The following EPB41L3 variants were observed in gnomAD, a reference collection of about 807,000 sequenced individuals.
EPB41L3 encodes the protein erythrocyte membrane protein band 4.1 like 3.
A neutral mutation model predicts 127.1 loss-of-function variants in EPB41L3; 57 were observed. That is an observed-to-expected ratio of 0.45 (90% CI 0.36 to 0.56). The LOEUF is 0.56. Among genes scored for constraint, EPB41L3 ranks in the 20% least tolerant of loss-of-function variants. The pLI is 0.00. For missense variants in EPB41L3, 1,273 were observed against 1,372.2 expected (o/e 0.93, Z 1.14); for synonymous variants, 572 against 549.5 (o/e 1.04, Z -0.57).
intron 3 of EPB41L3, among the ~76,000 whole-genome samples, chr18:5,470,911 C>T (rs2086017736): frequency 6.6e-6 from 1 of 152,144 alleles, no homozygotes; most frequent in Admixed American, 6.5e-5. Context: ...CTGAAGTCTA[C>T]CATGCTGGAA....
At chr18:5,489,228 C>G (rs2090300720) in intron 1 of EPB41L3, 34 bp from the exon 2 acceptor site, 1 of 1,568,398 alleles carries the variant, frequency 6.4e-7, no homozygotes, top group Non-Finnish European at 8.6e-7. Context: ...GCAGGTCACT[C>G]CGTGCCACTA....
intron 1 of EPB41L3, among the ~76,000 whole-genome samples, chr18:5,621,684 T>A (rs2094864610): frequency 6.6e-6 from 1 of 152,196 alleles, no homozygotes; most frequent in Non-Finnish European, 1.5e-5. Context: ...AAGGCTGCAG[T>A]GAGCTGTGAT....
At chr18:5,394,457 C>A (rs2072989188) in intron 22 of EPB41L3, 1 of 495,266 alleles carries the variant, frequency 2.0e-6, no homozygotes, top group East Asian at 3.2e-5. Flanking sequence ...TCTGCTCTTC[C>A]TTTATCCTCT....
At chr18:5,583,273 A>G (rs1197338845) in intron 3 of EPB41L3, among the ~76,000 whole-genome samples, 1 of 152,192 alleles carries the variant, frequency 6.6e-6, no homozygotes, top group Non-Finnish European at 1.5e-5. Flanking sequence ...CTCGTGAAAT[A>G]GGCATTCTGC....
At chr18:5,422,762 A>C (rs1336611660) in intron 11 of EPB41L3, among the ~76,000 whole-genome samples, 1 of 152,196 alleles carries the variant, frequency 6.6e-6, no homozygotes, top group Non-Finnish European at 1.5e-5. Flanking sequence ...AGGTAGTTTG[A>C]ATGATCATCT....
At position 5,456,759 on chromosome 18, in the gene EPB41L3, G is replaced by A. The variant is rs139176753; in HGVS notation, c.382-11515C>T. Reference sequence around the variant, plus strand: ...TCAGGGCATCCTGGCTTAATACTGCGTGAACCCACAATCCCAGAAAGCCAG... The same window carrying A: ...TCAGGGCATCCTGGCTTAATACTGCATGAACCCACAATCCCAGAAAGCCAG... On this transcript the variant is annotated intron_variant, in intron 3 of 22. Transcript: ENST00000341928. Among the ~76,000 whole-genome samples, 506 of 152,320 alleles carry A rather than the reference G, an allele frequency of 3.3e-3. 9 individuals carry two copies. Among genetic ancestry groups the A allele is most frequent in the Non-Finnish European group, 7.8e-4 (53 of 68,040 alleles).
At chr18:5,503,673 T>C (rs937478408) in intron 1 of EPB41L3, among the ~76,000 whole-genome samples, 2 of 152,222 alleles carry the variant, frequency 1.3e-5, no homozygotes, top group Admixed American at 6.5e-5. Flanking sequence ...AAATGACAAG[T>C]AGAAAACAAA....
intron 3 of EPB41L3, among the ~76,000 whole-genome samples, chr18:5,580,917 G>A (rs748925390): frequency 1.4e-4 from 21 of 152,190 alleles, no homozygotes; most frequent in Non-Finnish European, 2.2e-4. Context: ...ATTTGTGTTT[G>A]CAGCATAGCC....
At chr18:5,434,810 G>C (rs991062132) in intron 6 of EPB41L3, among the ~76,000 whole-genome samples, 1 of 152,144 alleles carries the variant, frequency 6.6e-6, no homozygotes, top group Non-Finnish European at 1.5e-5. Flanking sequence ...CATTATTTTA[G>C]AGTGTACTCC....
chr18:5,507,861 C>G (rs1279881748), intron 1 of EPB41L3, among the ~76,000 whole-genome samples: 1 of 152,200 alleles, frequency 6.6e-6, no homozygotes, highest in Non-Finnish European at 1.5e-5. Flanking sequence ...CTAATAAAAT[C>G]ATAATGAATA....
chr18:5,476,029 C>T (rs574821038), intron 3 of EPB41L3, among the ~76,000 whole-genome samples: 16 of 152,200 alleles, frequency 1.1e-4, no homozygotes, highest in Admixed American at 3.3e-4. Flanking sequence ...TATATCAAAA[C>T]GCAAGAGCCA....
intron 3 of EPB41L3, among the ~76,000 whole-genome samples, chr18:5,446,316 A>G (rs750956414): frequency 5.3e-5 from 8 of 152,204 alleles, no homozygotes; most frequent in Non-Finnish European, 1.0e-4. Flanking sequence ...CTGACCATCA[A>G]GCCAGCATCT....
At chr18:5,518,811 T>A (rs1304911570) in intron 1 of EPB41L3, among the ~76,000 whole-genome samples, 1 of 152,190 alleles carries the variant, frequency 6.6e-6, no homozygotes, top group African/African-American at 2.4e-5. Flanking sequence ...CTCTCGCTGC[T>A]TAAGAATGGG....
intron 16 of EPB41L3, among the ~76,000 whole-genome samples, chr18:5,406,449 C>A (rs531534742): frequency 2.0e-5 from 3 of 151,998 alleles, no homozygotes; most frequent in African/African-American, 7.2e-5. Context: ...AAAGCATATG[C>A]GGAAAAAGTG....
chr18:5,435,515 C>G (rs1025205754), intron 6 of EPB41L3, among the ~76,000 whole-genome samples: 11 of 152,138 alleles, frequency 7.2e-5, no homozygotes, highest in African/African-American at 2.7e-4. Flanking sequence ...CCACAGTATT[C>G]AGTATAGTCA....
chr18:5,443,985 G>T, intron 4 of EPB41L3, 105 bp from the exon 5 acceptor site: 1 of 943,064 alleles, frequency 1.1e-6, no homozygotes, highest in Non-Finnish European at 1.6e-6. Flanking sequence ...GTTAGTGGTC[G>T]TGGGAAGGCT....
At chr18:5,460,558 T>C (rs1261928611) in intron 3 of EPB41L3, among the ~76,000 whole-genome samples, 1 of 152,230 alleles carries the variant, frequency 6.6e-6, no homozygotes, top group Non-Finnish European at 1.5e-5. Flanking sequence ...ATGAGGAGCA[T>C]AATCTCAAAC....
intron 3 of EPB41L3, among the ~76,000 whole-genome samples, chr18:5,451,644 A>G (rs2146625996): frequency 6.6e-6 from 1 of 152,364 alleles, no homozygotes; most frequent in South Asian, 2.1e-4. Flanking sequence ...AATGCCATTG[A>G]GAGATTAAAA....
chr18:5,463,195 C>G (rs2084340855), intron 3 of EPB41L3, among the ~76,000 whole-genome samples: 1 of 152,192 alleles, frequency 6.6e-6, no homozygotes, highest in Non-Finnish European at 1.5e-5. Flanking sequence ...TGTCCCTGTT[C>G]TATTCTCTTA....
Sources: gnomAD v4.1 joint callset for allele counts (sites outside exome capture counted in the v4.1 genomes callset) on GRCh38, gnomAD v4.1.1 for gene constraint, MANE v1.5 for transcripts, NCBI Gene and HGNC (gene_info 2026-07-23, HGNC 2026-07-21) for gene names.